Variants in PGM5 observed in about 807,000 individuals in gnomAD.
PGM5 encodes phosphoglucomutase-like protein 5.
PGM5 carries 23 observed loss-of-function variants against 59.2 expected under a neutral mutation model. The ratio of observed to expected loss-of-function variants is 0.39; its 90% CI spans 0.28 to 0.55. The LOEUF (loss-of-function observed/expected upper bound fraction) is 0.55, where lower values mean the gene tolerates loss of function less well. Among genes scored for constraint, PGM5 ranks in the 20% least tolerant of loss-of-function variants. PGM5 has a pLI of 0.66. For synonymous variants in PGM5, 214 were observed against 286.0 expected, an observed-to-expected ratio of 0.75 and a Z score of 2.54; for missense variants, 574 against 748.3, an observed-to-expected ratio of 0.77 and a Z score of 2.72.
At chr9:68,518,212 A>G (rs1824850729) in intron 10 of PGM5, among the ~76,000 whole-genome samples, 1 of 152,236 alleles carries the variant, frequency 6.6e-6, no homozygotes, top group South Asian at 2.1e-4. Flanking sequence ...ACCATTCCAA[A>G]GGTGGTATAC....
At position 68,356,703 on chromosome 9, in the gene PGM5, G is replaced by C. The variant is rs1261159613; in HGVS notation, c.-425G>C. Among the ~76,000 whole-genome samples the C allele has an allele frequency of 6.6e-6, 1 of 152,268 alleles. No individual in the cohort carries two copies. The highest frequency in any genetic ancestry group is 1.5e-5 in the Non-Finnish European group (1 of 68,040). Reference sequence around the variant, plus strand: ...GCCGCCCGCCGGCTGTTTTCTGGCGGAGGGTGTGCCCCGGAGGGCGGCGAT... The same window carrying C: ...GCCGCCCGCCGGCTGTTTTCTGGCGCAGGGTGTGCCCCGGAGGGCGGCGAT... On this transcript the variant is annotated 5_prime_UTR_variant, in exon 1 of 11. Transcript: ENST00000396396.
At chr9:68,407,081 A>T (rs566956056) in intron 6 of PGM5, among the ~76,000 whole-genome samples, 162 of 152,158 alleles carry the variant, frequency 1.1e-3, no homozygotes, top group African/African-American at 3.7e-3. Context: ...TTAGCTTTTT[A>T]AAAATATGTA....
intron 1 of PGM5, among the ~76,000 whole-genome samples, chr9:68,376,679 A>G (rs1821895110): frequency 6.6e-6 from 1 of 152,068 alleles, no homozygotes; most frequent in Non-Finnish European, 1.5e-5. Context: ...GTACTTATCA[A>G]ATGAATTATC....
intron 7 of PGM5, among the ~76,000 whole-genome samples, chr9:68,476,649 C>T (rs1036269719): frequency 3.3e-5 from 5 of 152,168 alleles, no homozygotes; most frequent in African/African-American, 9.7e-5. Context: ...TGTCTCTGTC[C>T]CAAACTCAAA....
intron 6 of PGM5, among the ~76,000 whole-genome samples, chr9:68,394,671 A>C (rs1308032776): frequency 6.6e-6 from 1 of 151,576 alleles, no homozygotes; most frequent in Non-Finnish European, 1.5e-5. Flanking sequence ...CCCAGGCTGG[A>C]GTGCAGTGGT....
At chr9:68,406,678 G>GTATATATA (rs782034091) in intron 6 of PGM5, among the ~76,000 whole-genome samples, 4 of 23,606 alleles carry the variant, frequency 1.7e-4, no homozygotes, top group African/African-American at 7.0e-4. Context: ...ATATATATAT[G>GTATATATA]TATATATATA....
intron 2 of PGM5, among the ~76,000 whole-genome samples, chr9:68,382,688 AT>A (rs1822108003): frequency 6.6e-6 from 1 of 151,776 alleles, no homozygotes; most frequent in Non-Finnish European, 1.5e-5. Context: ...ATAATTGTAC[AT>A]ATTTTTGGTG....
intron 6 of PGM5, among the ~76,000 whole-genome samples, chr9:68,415,779 A>ATATCTATCGATC (rs1554681920): frequency 2.4e-4 from 8 of 33,234 alleles, no homozygotes; most frequent in African/African-American, 4.5e-4. Flanking sequence ...AAGGCAGGGA[A>ATATCTATCGATC]TATCTATCTA....
intron 7 of PGM5, among the ~76,000 whole-genome samples, chr9:68,469,163 C>T (rs1322727916): frequency 1.3e-5 from 2 of 152,204 alleles, no homozygotes; most frequent in East Asian, 3.9e-4. Flanking sequence ...AGTGATCCGC[C>T]CACCTTGGCC....
At chr9:68,432,816 A>G (rs568907249) in intron 6 of PGM5, among the ~76,000 whole-genome samples, 1 of 152,296 alleles carries the variant, frequency 6.6e-6, no homozygotes, top group African/African-American at 2.4e-5. Flanking sequence ...CATGTTGGCC[A>G]GGCTGGTATC....
chr9:68,401,001 A>C (rs1327879090), intron 6 of PGM5, among the ~76,000 whole-genome samples: 1 of 152,060 alleles, frequency 6.6e-6, no homozygotes, highest in Non-Finnish European at 1.5e-5. Context: ...GACCTACTGG[A>C]AAGGATGCTG....
At chr9:68,491,378 CTT>C (rs1429093663) in intron 9 of PGM5, among the ~76,000 whole-genome samples, 2 of 152,170 alleles carry the variant, frequency 1.3e-5, no homozygotes, top group South Asian at 2.1e-4. Context: ...TTATCAGACT[CTT>C]TGCTTTTCTT....
chr9:68,359,976 C>G (rs1834546748), intron 1 of PGM5, among the ~76,000 whole-genome samples: 1 of 152,130 alleles, frequency 6.6e-6, no homozygotes. Context: ...TCCTGAGTAG[C>G]TGGGGCTATA....
intron 6 of PGM5, chr9:68,405,512 T>C (rs1822782589): frequency 1.3e-5 from 2 of 152,582 alleles, no homozygotes; most frequent in South Asian, 4.1e-4. Context: ...GGTATTCAAA[T>C]TGGAACAGTG....
chr9:68,505,377 A>G (rs1244773152), intron 10 of PGM5, among the ~76,000 whole-genome samples: 1 of 152,180 alleles, frequency 6.6e-6, no homozygotes. Flanking sequence ...CAGTTCTGAC[A>G]TTATCTGGAT....
chr9:68,468,272 C>T (rs782264284), intron 7 of PGM5, among the ~76,000 whole-genome samples: 1 of 152,128 alleles, frequency 6.6e-6, no homozygotes, highest in African/African-American at 2.4e-5. Context: ...TAACTGAGAA[C>T]ATCATGCTTA....
chr9:68,391,624 G>C lies in PGM5; in HGVS notation c.788G>C (p.Gly263Ala). The C allele has an allele frequency of 6.2e-7, 1 of 1,613,358 alleles. No individual in the cohort carries two copies. The highest frequency in any genetic ancestry group is 1.1e-5 in the South Asian group (1 of 91,064). The part of the protein sequence containing the change: ...AINCVPLEDF[G>A]GQHPDPNLTY... ...AACTGTGTTCCCCTGGAAGACTTTG[G>C]AGGGCAGCACCCTGACCCAAACCTG... The change falls in exon 5 of 11, where the codon GGA (glycine) becomes GCA (alanine). Residue 263 changes from glycine to alanine, a missense_variant. Gly to Ala is a moderately conservative substitution (Grantham distance 60, BLOSUM62 0). This residue lies in a region of PGM5 where 34 missense variants were observed against 48.1 expected (regional missense o/e 0.71). Coordinates refer to ENST00000396396, the MANE Select transcript of PGM5 (RefSeq NM_021965.4).
At chr9:68,455,341 A>G (rs1326923686) in intron 6 of PGM5, among the ~76,000 whole-genome samples, 1 of 152,182 alleles carries the variant, frequency 6.6e-6, no homozygotes, top group Non-Finnish European at 1.5e-5. Flanking sequence ...CCTGAGAGAT[A>G]TTAATCTATT....
intron 10 of PGM5, among the ~76,000 whole-genome samples, chr9:68,526,923 C>A (rs1048781998): frequency 5.3e-5 from 8 of 152,210 alleles, no homozygotes; most frequent in African/African-American, 1.9e-4. Context: ...GTACAATAGG[C>A]ATTAACATAT....
Sources: gnomAD v4.1 joint callset for allele counts (sites outside exome capture counted in the v4.1 genomes callset) on GRCh38, gnomAD v4.1.1 for gene constraint, gnomAD v4.1.1 regional missense constraint, MANE v1.5 for transcripts, NCBI Gene and HGNC (gene_info 2026-07-23, HGNC 2026-07-21) for gene names.